CAMSAP1: variants seen among roughly 807,000 people sequenced by gnomAD.
CAMSAP1 encodes calmodulin-regulated spectrin-associated protein 1.
A neutral mutation model predicts 143.5 loss-of-function variants in CAMSAP1; 58 were observed. The observed-to-expected ratio is 0.40, with a 90% CI of 0.33 to 0.50. The LOEUF (loss-of-function observed/expected upper bound fraction) is 0.50. CAMSAP1 is among the 20% of genes least tolerant of loss of function. CAMSAP1 has a pLI of 0.45. For synonymous variants in CAMSAP1, 945 were observed against 859.3 expected (o/e 1.10, Z -1.74); for missense variants, 1,969 against 2,115.7 (o/e 0.93, Z 1.36).
chr9:135,897,632 T>C (rs1838495735), intron 1 of CAMSAP1, among the ~76,000 whole-genome samples: 1 of 152,144 alleles, frequency 6.6e-6, no homozygotes, highest in African/African-American at 2.4e-5. Flanking sequence ...GGAGAGATCC[T>C]GGGTCATCAA....
At chr9:135,869,111 A>T (rs1837483568) in intron 3 of CAMSAP1, among the ~76,000 whole-genome samples, 1 of 152,198 alleles carries the variant, frequency 6.6e-6, no homozygotes, top group Non-Finnish European at 1.5e-5. Context: ...ACAGAGTATA[A>T]AAACTCACTG....
rs752518342 is a variant in CAMSAP1, at chr9:135,822,941, G to A, written c.1720C>T (p.Arg574Trp). 21 of 1,613,810 alleles carry A rather than the reference G, an allele frequency of 1.3e-5. No individual in the cohort carries two copies. Among genetic ancestry groups the A allele is most frequent in the African/African-American group, 4.0e-5 (3 of 74,900 alleles). ...GTGTCCAGCTGTCCTTGGGGAGACCGGGCATTTGCTGTAAGGCCTAAGGCC... is the reference window on the plus strand; with the variant it reads ...GTGTCCAGCTGTCCTTGGGGAGACCAGGCATTTGCTGTAAGGCCTAAGGCC... ...PRALGLTANA[R>W]SPQGQLDTSE... The change falls in exon 11 of 17, where the codon CGG becomes TGG. Residue 574 changes from arginine (R) to tryptophan (W), a missense_variant. By Grantham distance (101) the Arg-to-Trp change is moderately radical (BLOSUM62 -3). Transcript: ENST00000389532. This position sits in a 1 kb window ranked among gnomAD's most constrained non-coding sequence, Gnocchi z 6.1.
chr9:135,854,976 A>G (rs1237722590), intron 5 of CAMSAP1, among the ~76,000 whole-genome samples: 1 of 151,494 alleles, frequency 6.6e-6, no homozygotes, highest in African/African-American at 2.4e-5. Flanking sequence ...TGTGTTCTTA[A>G]GTTCTTATCA....
At chr9:135,886,838 C>G (rs942470360) in intron 1 of CAMSAP1, among the ~76,000 whole-genome samples, 2 of 152,196 alleles carry the variant, frequency 1.3e-5, no homozygotes, top group Non-Finnish European at 2.9e-5. Context: ...GCCCAGGAGG[C>G]GTGAGCAGCA....
intron 7 of CAMSAP1, among the ~76,000 whole-genome samples, chr9:135,841,606 T>C (rs764143304): frequency 6.6e-6 from 1 of 152,156 alleles, no homozygotes; most frequent in Non-Finnish European, 1.5e-5. Context: ...AGAGCTCCGG[T>C]TGACATCCGG....
chr9:135,832,570 A>C (rs1835890859), intron 7 of CAMSAP1, among the ~76,000 whole-genome samples: 1 of 152,176 alleles, frequency 6.6e-6, no homozygotes, highest in Admixed American at 6.5e-5. Context: ...TAGTCAGATA[A>C]ATTAGTCAAA....
In CAMSAP1 at chr9:135,835,284, G is replaced by A. The variant is rs1023095979; in HGVS notation, c.1046-7700C>T. The stretch of plus-strand genomic sequence containing the variant: ...AGCATGGGGAGTGTGCCGGTCAGAC[G>A]GGTACCCACAGCAGCACCAGGCAGC... On this transcript the variant is annotated intron_variant, in intron 7 of 16. Transcript: ENST00000389532. Among the ~76,000 whole-genome samples, 5 of 152,072 alleles carry A rather than the reference G, an allele frequency of 3.3e-5. 1 individual carries two copies. The highest frequency in any genetic ancestry group is 3.3e-4 in the Admixed American group (5 of 15,274).
intron 7 of CAMSAP1, among the ~76,000 whole-genome samples, chr9:135,842,367 C>A (rs555854169): frequency 1.3e-5 from 2 of 152,208 alleles, no homozygotes; most frequent in Non-Finnish European, 2.9e-5. Context: ...CCCAAACCTA[C>A]GTTTGACTGA....
In CAMSAP1 at chr9:135,829,831, C is replaced by T. The variant is rs369490823; in HGVS notation, c.1046-2247G>A. Among the ~76,000 whole-genome samples the T allele has an allele frequency of 2.0e-4, 29 of 148,220 alleles. No homozygotes were observed. In the East Asian group the frequency reaches 3.6e-3, roughly 18 times the overall value. ...TTGTGCCACTGCACTCCAGCCTGGG[C>T]GACAGAGCGAGACTCTGTCATAAAT... On this transcript the variant is annotated intron_variant, in intron 7 of 16. Coordinates refer to ENST00000389532, the MANE Select transcript of CAMSAP1 (RefSeq NM_015447.4).
intron 1 of CAMSAP1, among the ~76,000 whole-genome samples, chr9:135,883,976 C>G (rs1353818854): frequency 6.6e-6 from 1 of 152,168 alleles, no homozygotes; most frequent in Non-Finnish European, 1.5e-5. Context: ...CTGGCCTCAC[C>G]CACTTTTCTA....
At chr9:135,860,048 A>AT (rs1192859884) in intron 5 of CAMSAP1, among the ~76,000 whole-genome samples, 4 of 150,606 alleles carry the variant, frequency 2.7e-5, no homozygotes, top group South Asian at 4.2e-4. Context: ...CCACAAAAAA[A>AT]AAAAAAATAA....
chr9:135,882,861 G>C lies in CAMSAP1; in HGVS notation c.378C>G (p.Asp126Glu). ...TGAGGTCGGACTCTGTCACGGGGGT[G>C]TCATCACTCTCCATCACATAGATCC... ...RKGIYVMESD[D>E]TPVTESDLSR... The change falls in exon 2 of 17, where the codon GAC becomes GAG. Residue 126 changes from aspartate (D) to glutamate (E), a missense_variant. Asp to Glu is a conservative substitution (Grantham distance 45). Coordinates refer to ENST00000389532, the MANE Select transcript of CAMSAP1 (RefSeq NM_015447.4). This position sits in a 1 kb window ranked among gnomAD's most constrained non-coding sequence, Gnocchi z 4.9. The C allele has an allele frequency of 6.4e-7, 1 of 1,551,496 alleles. No individual in the cohort carries two copies. The highest frequency in any genetic ancestry group is 8.7e-7 in the Non-Finnish European group (1 of 1,146,984).
At chr9:135,831,239 AC>A (rs1343048091) in intron 7 of CAMSAP1, among the ~76,000 whole-genome samples, 3 of 152,236 alleles carry the variant, frequency 2.0e-5, no homozygotes, top group Non-Finnish European at 4.4e-5. Flanking sequence ...TTCTTAAGCT[AC>A]CATTGAGTAA....
rs982949631 is a variant in CAMSAP1 at position 135,882,272 on chromosome 9, T to C, written c.424-478A>G. 3.3e-5 allele frequency among the ~76,000 whole-genome samples: 5 copies of C among 151,762 alleles called. No individual in the cohort carries two copies. The highest frequency in any genetic ancestry group is 1.2e-4 in the African/African-American group (5 of 41,278). ...TCCTCATTCGACAGGAATGACACTC[T>C]CTTCAACCACCGCACGGCACCCGCA... On this transcript the variant is annotated intron_variant, in intron 2 of 16. Transcript: ENST00000389532. This position sits in a 1 kb window ranked among gnomAD's most constrained non-coding sequence, Gnocchi z 4.9.
At chr9:135,842,798 T>C (rs1455430697) in intron 7 of CAMSAP1, among the ~76,000 whole-genome samples, 1 of 152,100 alleles carries the variant, frequency 6.6e-6, no homozygotes, top group Non-Finnish European at 1.5e-5. Flanking sequence ...TGCTGAGAGA[T>C]TTTGTCACCA....
Position 135,869,313 on chromosome 9 carries a change from G to T in CAMSAP1, c.586-2777C>A, listed in dbSNP as rs539831359. 2.6e-5 allele frequency among the ~76,000 whole-genome samples: 4 copies of T among 151,760 alleles called. No individual in the cohort carries two copies. The East Asian group carries it at 7.7e-4, about 29-fold the overall frequency. On this transcript the variant is annotated intron_variant, in intron 3 of 16. Coordinates refer to ENST00000389532, the MANE Select transcript of CAMSAP1 (RefSeq NM_015447.4). The stretch of plus-strand genomic sequence containing the variant: ...AGCTCAGGAGTTCAAGACCAGCCTG[G>T]GCAACATGACGAAACCCTGTCTCTA...
intron 2 of CAMSAP1, 107 bp from the exon 3 acceptor site, chr9:135,881,901 C>T (rs1837968195): frequency 7.5e-7 from 1 of 1,330,094 alleles, no homozygotes; most frequent in Admixed American, 2.2e-5. Flanking sequence ...TTCTTCATCC[C>T]TCGCCCTTTC....
At chr9:135,838,503 G>A (rs960918225) in intron 7 of CAMSAP1, among the ~76,000 whole-genome samples, 1 of 133,674 alleles carries the variant, frequency 7.5e-6, no homozygotes, top group African/African-American at 2.9e-5. Flanking sequence ...CCCTTCTACA[G>A]ACACACGTCA....
Position 135,821,985 on chromosome 9 carries a change from G to T in CAMSAP1, c.2676C>A (p.Ile892=), listed in dbSNP as rs780094354. 3 of 1,612,762 alleles carry T rather than the reference G, an allele frequency of 1.9e-6. No homozygotes were observed. Among genetic ancestry groups the T allele is most frequent in the Admixed American group, 3.3e-5 (2 of 59,946 alleles). The change falls in exon 11 of 17, where the codon ATC becomes ATA. Residue 892 remains isoleucine, a synonymous_variant. Transcript: ENST00000389532. The surrounding 1 kb of genome is among the most constrained non-coding windows in gnomAD (Gnocchi z 4.6). Reference sequence around the variant, plus strand: ...CCTCCATCTTCTTCTTCTGGGCCTCGATGGCCCTGCGCTTCTCCTCCAGCT... The same window carrying T: ...CCTCCATCTTCTTCTTCTGGGCCTCTATGGCCCTGCGCTTCTCCTCCAGCT... ...HMQLEEKRRA[I]EAQKKKMEAL... is the part of the protein sequence containing the mutation.
Sources: gnomAD v4.1 joint callset for allele counts (sites outside exome capture counted in the v4.1 genomes callset) on GRCh38, gnomAD v4.1.1 for gene constraint, Gnocchi (gnomAD v3.1) non-coding constraint, MANE v1.5 for transcripts, NCBI Gene and HGNC (gene_info 2026-07-23, HGNC 2026-07-21) for gene names.